Variants in PTPRK observed in about 807,000 individuals in gnomAD.
PTPRK encodes protein tyrosine phosphatase receptor type K, also known as receptor-type tyrosine-protein phosphatase kappa.
Under a neutral mutation model 178.0 loss-of-function variants are expected in PTPRK, and 75 were observed. The observed-to-expected ratio is 0.42, with a 90% CI of 0.35 to 0.51. The LOEUF (loss-of-function observed/expected upper bound fraction) is 0.51, where lower values mean the gene tolerates loss of function less well. Among genes scored for constraint, PTPRK ranks in the 20% least tolerant of loss-of-function variants. The pLI is 0.02. For synonymous variants in PTPRK, 637 were observed against 620.6 expected (o/e 1.03, Z -0.39); for missense variants, 1,441 against 1,797.8 (o/e 0.80, Z 3.59).
intron 2 of PTPRK, among the ~76,000 whole-genome samples, chr6:128,352,302 C>A (rs1237204537): frequency 7.0e-6 from 1 of 142,652 alleles, no homozygotes; most frequent in African/African-American, 2.6e-5. Flanking sequence ...ATCACAGAAA[C>A]CCTAAAACAA....
chr6:128,026,458 A>G (rs1407110392), intron 13 of PTPRK, among the ~76,000 whole-genome samples: 1 of 152,190 alleles, frequency 6.6e-6, no homozygotes, highest in Non-Finnish European at 1.5e-5. Context: ...CTACTGTGTG[A>G]TCTGGGACAA....
chr6:128,418,373 C>T (rs764507290), intron 1 of PTPRK, among the ~76,000 whole-genome samples: 3 of 152,168 alleles, frequency 2.0e-5, no homozygotes, highest in African/African-American at 4.8e-5. Context: ...TGTTAGGAAC[C>T]CGGCTGCACA....
rs72967043 is a variant in PTPRK at position 128,295,845 on chromosome 6, C to G, written c.495+26194G>C. 4.4e-3 allele frequency among the ~76,000 whole-genome samples: 676 copies of G among 152,184 alleles called. 4 individuals carry two copies. The highest frequency in any genetic ancestry group is 6.8e-3 in the Non-Finnish European group (463 of 67,996). ...CTTAAACTTCAGGACACCATAAAGT[C>G]ACATAGCACTTCTATTCATGGCCAG... On this transcript the variant is annotated intron_variant, in intron 3 of 29. Transcript: ENST00000368226.
intron 13 of PTPRK, among the ~76,000 whole-genome samples, chr6:128,050,548 T>G (rs940292713): frequency 6.6e-6 from 1 of 152,228 alleles, no homozygotes; most frequent in Admixed American, 6.5e-5. Flanking sequence ...TCTTGCATCA[T>G]AATATGTAAC....
At chr6:128,334,095 G>C (rs190767602) in intron 2 of PTPRK, among the ~76,000 whole-genome samples, 1 of 152,204 alleles carries the variant, frequency 6.6e-6, no homozygotes, top group Admixed American at 6.5e-5. Context: ...ATCTTATACG[G>C]GAGCTGTTCG....
At chr6:128,268,285 C>T (rs988130380) in intron 3 of PTPRK, among the ~76,000 whole-genome samples, 25 of 151,896 alleles carry the variant, frequency 1.6e-4, no homozygotes, top group Middle Eastern at 3.4e-3. Flanking sequence ...AAGTGAAAAA[C>T]GTATTACCAG....
At chr6:128,239,078 T>TAAA (rs144377254) in intron 5 of PTPRK, among the ~76,000 whole-genome samples, 21 of 144,630 alleles carry the variant, frequency 1.5e-4, no homozygotes, top group African/African-American at 5.1e-4. Context: ...AAGGATGTAG[T>TAAA]AAAAAAAAAA....
chr6:128,146,750 T>TTA (rs939158085), intron 7 of PTPRK, among the ~76,000 whole-genome samples: 47 of 151,922 alleles, frequency 3.1e-4, no homozygotes, highest in African/African-American at 7.5e-4. Flanking sequence ...TTAAAACTGT[T>TTA]TATATATATA....
chr6:128,120,741 T>C (rs1792321092), intron 7 of PTPRK, among the ~76,000 whole-genome samples: 1 of 151,922 alleles, frequency 6.6e-6, no homozygotes. Context: ...TAAACTCCAG[T>C]TTAAATTTTT....
At chr6:128,046,630 A>G (rs1328871184) in intron 13 of PTPRK, among the ~76,000 whole-genome samples, 1 of 152,232 alleles carries the variant, frequency 6.6e-6, no homozygotes, top group Non-Finnish European at 1.5e-5. Context: ...TCTTAGTACA[A>G]TTTAAGAAAT....
chr6:128,310,453 AC>A (rs1443325380), intron 3 of PTPRK, among the ~76,000 whole-genome samples: 3 of 152,204 alleles, frequency 2.0e-5, no homozygotes, highest in Non-Finnish European at 2.9e-5. Context: ...AAACAAACAA[AC>A]AAAAAACTCC....
chr6:127,999,478 ACACGT>A (rs1777543715), intron 15 of PTPRK, among the ~76,000 whole-genome samples: 3 of 151,936 alleles, frequency 2.0e-5, no homozygotes, highest in African/African-American at 7.2e-5. Context: ...TAGCCAGACT[ACACGT>A]GCATTTATAT....
chr6:128,404,503 G>T (rs1384657234), intron 1 of PTPRK, among the ~76,000 whole-genome samples: 1 of 152,202 alleles, frequency 6.6e-6, no homozygotes, highest in African/African-American at 2.4e-5. Flanking sequence ...AAGGAAAAAG[G>T]TCATCAGTTC....
At chr6:128,427,863 C>T (rs565644965) in intron 1 of PTPRK, among the ~76,000 whole-genome samples, 12 of 152,184 alleles carry the variant, frequency 7.9e-5, no homozygotes, top group Non-Finnish European at 1.3e-4. Flanking sequence ...GAGGCTGAGG[C>T]GGGCAGATCA....
At chr6:128,058,797 T>C (rs1780332832) in intron 13 of PTPRK, among the ~76,000 whole-genome samples, 1 of 152,062 alleles carries the variant, frequency 6.6e-6, no homozygotes, top group Admixed American at 6.6e-5. Context: ...TAAAATATGT[T>C]CTATATTCTT....
At chr6:128,352,235 C>G (rs112052220) in intron 2 of PTPRK, among the ~76,000 whole-genome samples, 2 of 99,506 alleles carry the variant, frequency 2.0e-5, no homozygotes, top group African/African-American at 8.0e-5. Context: ...GCCTGGGTGA[C>G]AGAGCGAGAC....
At chr6:128,308,448 C>T (rs1026111909) in intron 3 of PTPRK, among the ~76,000 whole-genome samples, 2 of 151,320 alleles carry the variant, frequency 1.3e-5, no homozygotes, top group Non-Finnish European at 2.9e-5. Context: ...AAATTAAATA[C>T]ACGAACTGCT....
chr6:128,116,515 GC>G (rs1660260764), intron 7 of PTPRK, among the ~76,000 whole-genome samples: 1 of 152,176 alleles, frequency 6.6e-6, no homozygotes, highest in African/African-American at 2.4e-5. Context: ...ATAAGATTTG[GC>G]AGATAAGACA....
At chr6:128,107,669 C>G (rs969878779) in intron 7 of PTPRK, among the ~76,000 whole-genome samples, 4 of 152,172 alleles carry the variant, frequency 2.6e-5, no homozygotes, top group Non-Finnish European at 5.9e-5. Context: ...TACATACATA[C>G]TATGTCATCA....
Sources: gnomAD v4.1 joint callset for allele counts (sites outside exome capture counted in the v4.1 genomes callset) on GRCh38, gnomAD v4.1.1 for gene constraint, MANE v1.5 for transcripts, NCBI Gene and HGNC (gene_info 2026-07-23, HGNC 2026-07-21) for gene names.